ANKS1B: variants seen among roughly 807,000 people sequenced by gnomAD.
The protein encoded by ANKS1B is ankyrin repeat and sterile alpha motif domain containing 1B, also known as ankyrin repeat and sterile alpha motif domain-containing protein 1B.
A neutral mutation model predicts 148.3 loss-of-function variants in ANKS1B; 36 were observed. The observed-to-expected ratio is 0.24, with a 90% CI of 0.19 to 0.32. The LOEUF (loss-of-function observed/expected upper bound fraction) is 0.32. Among genes scored for constraint, ANKS1B ranks in the 10% least tolerant of loss-of-function variants. The pLI, the probability that ANKS1B is intolerant of heterozygous loss-of-function variation, is 1.00. For synonymous variants in ANKS1B, 542 were observed against 560.8 expected (o/e 0.97, Z 0.47); for missense variants, 1,157 against 1,542.6 (o/e 0.75, Z 4.19).
At chr12:99,088,440 G>A (rs1372397628) in intron 15 of ANKS1B, among the ~76,000 whole-genome samples, 1 of 151,902 alleles carries the variant, frequency 6.6e-6, no homozygotes, top group Non-Finnish European at 1.5e-5. Context: ...ATTTTTGGTT[G>A]GTATCATTAT....
chr12:99,176,204 A>G (rs1601415794), intron 14 of ANKS1B, among the ~76,000 whole-genome samples: 1 of 152,268 alleles, frequency 6.6e-6, no homozygotes, highest in East Asian at 1.9e-4. Context: ...GAGACCAGGA[A>G]GTGGGTCCTC....
chr12:99,827,993 A>G (rs1430273208), intron 1 of ANKS1B, among the ~76,000 whole-genome samples: 1 of 152,218 alleles, frequency 6.6e-6, no homozygotes, highest in Non-Finnish European at 1.5e-5. Context: ...TGTACATATA[A>G]TATTAATAAC....
intron 12 of ANKS1B, among the ~76,000 whole-genome samples, chr12:99,292,642 C>A (rs541825442): frequency 6.6e-6 from 1 of 151,798 alleles, no homozygotes; most frequent in East Asian, 1.9e-4. Context: ...AGAACTCCAA[C>A]AAATTTACAA....
intron 10 of ANKS1B, among the ~76,000 whole-genome samples, chr12:99,497,158 T>A (rs1027985655): frequency 1.3e-5 from 2 of 152,202 alleles, no homozygotes; most frequent in Non-Finnish European, 2.9e-5. Context: ...TGTTTACATA[T>A]AACCTATTCA....
intron 1 of ANKS1B, 85 bp from the exon 2 acceptor site, chr12:99,825,474 C>T (rs2083066230): frequency 1.0e-6 from 1 of 1,004,812 alleles, no homozygotes; most frequent in Non-Finnish European, 1.5e-6. Flanking sequence ...GCCCCACAGT[C>T]AGCAGCAGGT....
chr12:99,278,340 C>G (rs955496108), intron 12 of ANKS1B, among the ~76,000 whole-genome samples: 2 of 152,200 alleles, frequency 1.3e-5, no homozygotes, highest in Admixed American at 1.3e-4. Flanking sequence ...CCTGCAAGGT[C>G]TCTGTATGAA....
chr12:98,971,372 G>A (rs549194474), intron 17 of ANKS1B, among the ~76,000 whole-genome samples: 1 of 152,274 alleles, frequency 6.6e-6, no homozygotes, highest in Non-Finnish European at 1.5e-5. Context: ...ATTTTTTAAA[G>A]TAACAACAAA....
chr12:98,857,455 G>A (rs892945061), intron 17 of ANKS1B, among the ~76,000 whole-genome samples: 33 of 152,234 alleles, frequency 2.2e-4, no homozygotes, highest in South Asian at 4.2e-4. Flanking sequence ...AGAGTGGGAA[G>A]GGACCCAGAG....
chr12:99,359,028 G>C (rs77448782), intron 12 of ANKS1B, among the ~76,000 whole-genome samples: 2,627 of 152,196 alleles, frequency 0.017, 52 homozygotes, highest in Non-Finnish European at 0.03. Context: ...AGAGAAATTG[G>C]CCAGGCAGAA....
intron 17 of ANKS1B, among the ~76,000 whole-genome samples, chr12:98,981,100 G>A (rs1277615191): frequency 6.6e-6 from 1 of 151,688 alleles, no homozygotes; most frequent in African/African-American, 2.4e-5. Context: ...GAGCTCAGGA[G>A]TTTGAGACCA....
intron 1 of ANKS1B, among the ~76,000 whole-genome samples, chr12:99,897,449 C>T (rs2093424226): frequency 6.6e-6 from 1 of 151,078 alleles, no homozygotes; most frequent in African/African-American, 2.4e-5. Context: ...TAAAGTCATC[C>T]TCAGTGGCTA....
intron 17 of ANKS1B, among the ~76,000 whole-genome samples, chr12:99,051,000 A>C (rs971793455): frequency 2.6e-5 from 4 of 151,900 alleles, no homozygotes; most frequent in African/African-American, 9.7e-5. Context: ...CCTGACTAGA[A>C]AAGACTAATT....
intron 9 of ANKS1B, among the ~76,000 whole-genome samples, chr12:99,593,008 G>C (rs1221490757): frequency 6.6e-6 from 1 of 152,080 alleles, no homozygotes; most frequent in East Asian, 1.9e-4. Flanking sequence ...AGGGTTTATG[G>C]AGACCAAAGT....
intron 14 of ANKS1B, among the ~76,000 whole-genome samples, chr12:99,227,667 TCA>T (rs1369056806): frequency 6.6e-6 from 1 of 152,178 alleles, no homozygotes; most frequent in African/African-American, 2.4e-5. Flanking sequence ...TACTTGTTTG[TCA>T]CATAAATTCT....
chr12:99,835,984 G>A lies in ANKS1B; in HGVS notation c.135-10595C>T, dbSNP rs140129149. 7.9e-3 allele frequency among the ~76,000 whole-genome samples: 1,196 copies of A among 152,188 alleles called. 15 individuals are homozygous for A. The highest frequency in any genetic ancestry group is 0.027 in the African/African-American group (1,130 of 41,524). ...AATAATAAAAAAGTATTGTCACATT[G>A]GAACCCACATACTATCCCATATGAG... is the stretch of plus-strand genomic sequence containing the variant. On this transcript the variant is annotated intron_variant, in intron 1 of 26. Coordinates refer to ENST00000683438, the MANE Select transcript of ANKS1B (RefSeq NM_001352186.2).
At chr12:99,262,125 C>G (rs1261337925) in intron 12 of ANKS1B, among the ~76,000 whole-genome samples, 3 of 152,078 alleles carry the variant, frequency 2.0e-5, no homozygotes, top group Non-Finnish European at 4.4e-5. Context: ...CCTAACGAAA[C>G]CTTACTTCAT....
At chr12:98,947,905 A>G (rs2099847841) in intron 17 of ANKS1B, among the ~76,000 whole-genome samples, 1 of 152,132 alleles carries the variant, frequency 6.6e-6, no homozygotes, top group African/African-American at 2.4e-5. Context: ...GCATCATCCT[A>G]ATTGTCTGGT....
chr12:98,833,937 T>C (rs1243615965), intron 17 of ANKS1B, among the ~76,000 whole-genome samples: 1 of 152,258 alleles, frequency 6.6e-6, no homozygotes, highest in Non-Finnish European at 1.5e-5. Flanking sequence ...CATTCTTTTT[T>C]ATGTCTGTGT....
At chr12:99,196,586 G>A (rs1218337881) in intron 14 of ANKS1B, among the ~76,000 whole-genome samples, 1 of 147,986 alleles carries the variant, frequency 6.8e-6, no homozygotes, top group South Asian at 2.2e-4. Context: ...GATGCTTTCT[G>A]TTTTTTTTTG....
Sources: allele counts gnomAD v4.1 joint callset (sites outside exome capture counted in the v4.1 genomes callset), GRCh38; gene constraint gnomAD v4.1.1; transcripts MANE v1.5; gene names NCBI Gene and HGNC (gene_info 2026-07-23, HGNC 2026-07-21).